ITGA1: variants seen among roughly 807,000 people sequenced by gnomAD.
ITGA1 encodes the protein integrin alpha-1.
ITGA1 carries 85 observed loss-of-function variants against 145.9 expected under a neutral mutation model. The observed-to-expected ratio is 0.58, with a 90% CI of 0.49 to 0.70. The LOEUF is 0.70. ITGA1 is among the 30% of genes least tolerant of loss of function. The pLI is 0.00. For missense variants in ITGA1, 1,351 were observed against 1,418.7 expected, an observed-to-expected ratio of 0.95 and a Z score of 0.77; for synonymous variants, 520 against 495.3, an observed-to-expected ratio of 1.05 and a Z score of -0.66.
chr5:52,922,708 GAGACATAACAAGATC>G, intron 17 of ITGA1, 54 bp from the exon 18 acceptor site: 1 of 957,512 alleles, frequency 1.0e-6, no homozygotes, highest in South Asian at 1.4e-5. Flanking sequence ...ACAGAAGAAG[GAGACATAACAAGATC>G]AGAACACCCG....
intron 12 of ITGA1, among the ~76,000 whole-genome samples, chr5:52,907,108 C>T (rs753231363): frequency 2.6e-5 from 4 of 152,156 alleles, no homozygotes; most frequent in African/African-American, 4.8e-5. Flanking sequence ...CCCCTGTCAG[C>T]GTTGCTTAGC....
chr5:52,836,115 T>C (rs1337849522), intron 1 of ITGA1, among the ~76,000 whole-genome samples: 1 of 152,180 alleles, frequency 6.6e-6, no homozygotes, highest in African/African-American at 2.4e-5. Context: ...GAACTAGAAA[T>C]GGCCAGTAGA....
intron 14 of ITGA1, among the ~76,000 whole-genome samples, chr5:52,912,291 C>A: frequency 7.1e-6 from 1 of 141,408 alleles, no homozygotes; most frequent in Non-Finnish European, 1.5e-5. Flanking sequence ...TATATATTAT[C>A]TATATACTAT....
chr5:52,789,061 T>C (rs1458687763), intron 1 of ITGA1, among the ~76,000 whole-genome samples: 1 of 152,212 alleles, frequency 6.6e-6, no homozygotes. Context: ...TATAGTATTG[T>C]TATTTGTACA....
rs892278758 is a variant in ITGA1 at position 52,854,240 on chromosome 5, T to G, written c.182+4755T>G. Among the ~76,000 whole-genome samples the G allele has an allele frequency of 6.2e-4, 95 of 152,330 alleles. 1 individual carries two copies. The highest frequency in any genetic ancestry group is 2.1e-3 in the African/African-American group (89 of 41,582). On this transcript the variant is annotated intron_variant, in intron 2 of 28. Coordinates refer to ENST00000282588, the MANE Select transcript of ITGA1 (RefSeq NM_181501.2). ...ATGGGCTCATGTGATTGATGCCCTA[T>G]TTCCAATAAGTCTGTGTTGTAAAAG...
intron 1 of ITGA1, among the ~76,000 whole-genome samples, chr5:52,830,214 GC>G (rs1749037370): frequency 6.6e-6 from 1 of 152,086 alleles, no homozygotes; most frequent in African/African-American, 2.4e-5. Context: ...AAGCTTAGAA[GC>G]CTACTCTTTA....
intron 1 of ITGA1, among the ~76,000 whole-genome samples, chr5:52,796,888 T>C (rs1382916746): frequency 6.6e-6 from 1 of 152,146 alleles, no homozygotes; most frequent in East Asian, 1.9e-4. Flanking sequence ...TGAAAGGAAG[T>C]GACATTTTAA....
At chr5:52,837,745 T>C (rs1749184185) in intron 1 of ITGA1, among the ~76,000 whole-genome samples, 1 of 151,822 alleles carries the variant, frequency 6.6e-6, no homozygotes, top group African/African-American at 2.4e-5. Flanking sequence ...TGCTACTAGA[T>C]AGAAATAGAG....
intron 7 of ITGA1, among the ~76,000 whole-genome samples, chr5:52,887,269 A>G (rs1267912681): frequency 6.6e-6 from 1 of 151,980 alleles, no homozygotes; most frequent in African/African-American, 2.4e-5. Flanking sequence ...AGATGTCCCT[A>G]TCCCCAGGAC....
chr5:52,823,394 T>C (rs1009971504), intron 1 of ITGA1, among the ~76,000 whole-genome samples: 3 of 152,074 alleles, frequency 2.0e-5, no homozygotes, highest in Non-Finnish European at 2.9e-5. Context: ...TTAGTAGAGA[T>C]GGGGTTTTGC....
intron 1 of ITGA1, among the ~76,000 whole-genome samples, chr5:52,848,847 G>A (rs2111750358): frequency 6.6e-6 from 1 of 151,774 alleles, no homozygotes; most frequent in Non-Finnish European, 1.5e-5. Context: ...TTGTCCTTGA[G>A]ATAGTTTGCT....
At chr5:52,860,864 T>A (rs1241572702) in intron 2 of ITGA1, among the ~76,000 whole-genome samples, 1 of 152,238 alleles carries the variant, frequency 6.6e-6, no homozygotes, top group Non-Finnish European at 1.5e-5. Context: ...GGAAAGTAAG[T>A]GATTTTAACC....
At chr5:52,839,557 C>A (rs1749220179) in intron 1 of ITGA1, among the ~76,000 whole-genome samples, 1 of 152,176 alleles carries the variant, frequency 6.6e-6, no homozygotes, top group South Asian at 2.1e-4. Context: ...TCTGTCCATT[C>A]ATGCCTTAAA....
chr5:52,950,465 C>T (rs1180298090), intron 28 of ITGA1, among the ~76,000 whole-genome samples: 1 of 152,124 alleles, frequency 6.6e-6, no homozygotes, highest in Non-Finnish European at 1.5e-5. Flanking sequence ...GTTATCACCT[C>T]ATTAGAGCCT....
chr5:52,793,273 T>C (rs1192498492), intron 1 of ITGA1, among the ~76,000 whole-genome samples: 2 of 152,076 alleles, frequency 1.3e-5, no homozygotes, highest in Non-Finnish European at 2.9e-5. Flanking sequence ...TTTAATTGAA[T>C]GAATCGCAAA....
chr5:52,809,480 C>T (rs1212113778), intron 1 of ITGA1, among the ~76,000 whole-genome samples: 2 of 146,044 alleles, frequency 1.4e-5, no homozygotes, highest in South Asian at 2.2e-4. Flanking sequence ...GATTATTCCT[C>T]TTTTAAGGCC....
intron 10 of ITGA1, 134 bp downstream of exon 10, chr5:52,897,662 T>C: frequency 1.6e-6 from 1 of 630,134 alleles, no homozygotes; most frequent in East Asian, 2.8e-5. Context: ...TATGATGATG[T>C]TTTCTAATTC....
Position 52,958,888 on chromosome 5 carries a change from G to C in ITGA1, c.*6437G>C, listed in dbSNP as rs1174892832. Reference sequence around the variant, plus strand: ...CTTTAATTGGATAAACTCATTAGAAGAAAATGTTTCGATTGCATTCAGGAA... The same window carrying C: ...CTTTAATTGGATAAACTCATTAGAACAAAATGTTTCGATTGCATTCAGGAA... On this transcript the variant is annotated 3_prime_UTR_variant, in exon 29 of 29. Transcript: ENST00000282588. 6.6e-6 allele frequency: 1 copy of C among 152,056 alleles called. No homozygotes were observed. The highest frequency in any genetic ancestry group is 1.5e-5 in the Non-Finnish European group (1 of 68,010). The allele number at this position is 152,056 out of a possible 1,614,324, so 9.4% of individuals were successfully genotyped here. A position where few individuals can be genotyped will look rare whatever the true frequency, so the allele number is the denominator to read the frequency against.
At chr5:52,840,290 C>T (rs1219001035) in intron 1 of ITGA1, among the ~76,000 whole-genome samples, 1 of 152,084 alleles carries the variant, frequency 6.6e-6, no homozygotes, top group Non-Finnish European at 1.5e-5. Context: ...AGGATGCCAC[C>T]CTGCTTTGTT....
Sources: gnomAD v4.1 joint callset for allele counts (sites outside exome capture counted in the v4.1 genomes callset) on GRCh38, gnomAD v4.1.1 for gene constraint, MANE v1.5 for transcripts, NCBI Gene and HGNC (gene_info 2026-07-23, HGNC 2026-07-21) for gene names.